SOX5: variants seen among roughly 807,000 people sequenced by gnomAD.
SOX5 encodes SRY-box transcription factor 5.
A neutral mutation model predicts 92.0 loss-of-function variants in SOX5; 9 were observed. The ratio of observed to expected loss-of-function variants is 0.10; its 90% confidence interval spans 0.06 to 0.17. The LOEUF is 0.17. Ranked by LOEUF, SOX5 falls within the 10% of genes least tolerant of loss-of-function variation. The pLI is 1.00. For missense variants in SOX5, 642 were observed against 944.5 expected, an observed-to-expected ratio of 0.68 and a Z score of 4.20; for synonymous variants, 344 against 336.3, an observed-to-expected ratio of 1.02 and a Z score of -0.25.
chr12:24,476,413 G>C (rs756745395), intron 1 of SOX5, among the ~76,000 whole-genome samples: 8 of 152,166 alleles, frequency 5.3e-5, no homozygotes, highest in Middle Eastern at 3.2e-3. Flanking sequence ...TGCTGCTCCA[G>C]AGAACTCAAC....
chr12:24,141,180 T>C (rs140108791), intron 4 of SOX5, among the ~76,000 whole-genome samples: 1 of 152,236 alleles, frequency 6.6e-6, no homozygotes, highest in Non-Finnish European at 1.5e-5. Flanking sequence ...AAGGTATATA[T>C]GGAATGTTTT....
intron 10 of SOX5, among the ~76,000 whole-genome samples, chr12:23,565,759 T>G (rs1946962956): frequency 6.6e-6 from 1 of 152,228 alleles, no homozygotes; most frequent in Non-Finnish European, 1.5e-5. Flanking sequence ...TATAATGCTG[T>G]ATGAAATGTT....
At chr12:24,221,846 A>T (rs1960524644) in intron 3 of SOX5, among the ~76,000 whole-genome samples, 1 of 152,226 alleles carries the variant, frequency 6.6e-6, no homozygotes, top group Non-Finnish European at 1.5e-5. Context: ...GAGGTGAGGG[A>T]TGTGTAAATT....
At chr12:24,220,567 G>C (rs988262719) in intron 3 of SOX5, among the ~76,000 whole-genome samples, 14 of 152,104 alleles carry the variant, frequency 9.2e-5, no homozygotes, top group Non-Finnish European at 5.9e-5. Context: ...TAGGTTATAT[G>C]TTATTATTTA....
At chr12:23,821,765 T>C (rs1428970086) in intron 3 of SOX5, among the ~76,000 whole-genome samples, 3 of 152,198 alleles carry the variant, frequency 2.0e-5, no homozygotes, top group Middle Eastern at 3.2e-3. Flanking sequence ...TCATCAGGGA[T>C]ATTGGCCTGA....
intron 10 of SOX5, among the ~76,000 whole-genome samples, chr12:23,573,035 T>C (rs1476131912): frequency 6.6e-6 from 1 of 152,200 alleles, no homozygotes; most frequent in African/African-American, 2.4e-5. Context: ...ACCATTTATC[T>C]CTTCCTTTCC....
intron 10 of SOX5, among the ~76,000 whole-genome samples, chr12:23,567,464 ATT>A (rs35620007): frequency 1.1e-3 from 133 of 119,120 alleles, no homozygotes; most frequent in East Asian, 2.3e-3. Flanking sequence ...ATTTGATTTG[ATT>A]TTTTTTTTTT....
intron 4 of SOX5, among the ~76,000 whole-genome samples, chr12:24,177,547 G>T (rs1316742228): frequency 6.6e-6 from 1 of 152,128 alleles, no homozygotes; most frequent in Non-Finnish European, 1.5e-5. Context: ...TGGACTTAGA[G>T]CCATGCTACT....
At chr12:24,098,169 T>C (rs867559801) in intron 4 of SOX5, among the ~76,000 whole-genome samples, 39 of 152,162 alleles carry the variant, frequency 2.6e-4, no homozygotes, top group African/African-American at 7.7e-4. Flanking sequence ...TCATTGTGAG[T>C]ACTTTATTGC....
chr12:24,440,594 TTGTGTGTGTGTGTGTGTGTG>T (rs56082162), intron 1 of SOX5, among the ~76,000 whole-genome samples: 10 of 139,732 alleles, frequency 7.2e-5, no homozygotes, highest in African/African-American at 1.3e-4. Flanking sequence ...ACATGATCCT[TTGTGTGTGTGTGTGTGTGTG>T]TGTGTGTGTG....
At chr12:24,002,784 C>CAAAAAAAAAA (rs1951739323) in intron 4 of SOX5, among the ~76,000 whole-genome samples, 1 of 151,926 alleles carries the variant, frequency 6.6e-6, no homozygotes, top group Non-Finnish European at 1.5e-5. Context: ...TAAACTCTTA[C>CAAAAAAAAAA]AAAAAATAGA....
chr12:24,037,946 C>T (rs375944571), intron 4 of SOX5, among the ~76,000 whole-genome samples: 6 of 152,094 alleles, frequency 3.9e-5, no homozygotes, highest in African/African-American at 1.2e-4. Flanking sequence ...GACACTTGAA[C>T]GCATTAAAAA....
intron 7 of SOX5, among the ~76,000 whole-genome samples, chr12:23,652,516 T>G (rs1236598997): frequency 2.2e-5 from 2 of 91,954 alleles, no homozygotes; most frequent in African/African-American, 1.1e-4. Flanking sequence ...CCTCTTCTAC[T>G]GTTTTTTTTT....
At chr12:23,577,600 C>T (rs929362704) in intron 9 of SOX5, among the ~76,000 whole-genome samples, 9 of 151,380 alleles carry the variant, frequency 5.9e-5, no homozygotes, top group Admixed American at 4.0e-4. Context: ...AAAAAGTTAC[C>T]TTTGTAATAG....
chr12:23,743,156 T>G (rs963354242), intron 4 of SOX5, among the ~76,000 whole-genome samples: 1 of 152,094 alleles, frequency 6.6e-6, no homozygotes, highest in East Asian at 1.9e-4. Context: ...TAAAGCTAGG[T>G]TTAAAAGCAG....
At chr12:23,797,350 C>T (rs1163862547) in intron 3 of SOX5, among the ~76,000 whole-genome samples, 2 of 151,936 alleles carry the variant, frequency 1.3e-5, no homozygotes, top group African/African-American at 4.8e-5. Context: ...ATATAATATG[C>T]TTTTATTAAC....
chr12:23,556,125 A>G (rs1945131444), intron 11 of SOX5, among the ~76,000 whole-genome samples: 1 of 152,136 alleles, frequency 6.6e-6, no homozygotes, highest in African/African-American at 2.4e-5. Flanking sequence ...CCTGTCCCAT[A>G]AGAAGTGTTC....
At chr12:24,374,854 G>T (rs1321776622) in intron 1 of SOX5, among the ~76,000 whole-genome samples, 1 of 152,188 alleles carries the variant, frequency 6.6e-6, no homozygotes, top group African/African-American at 2.4e-5. Context: ...ACAGAGGCAG[G>T]GCCTGCACTA....
chr12:24,535,870 G>C (rs1038169266), intron 1 of SOX5, among the ~76,000 whole-genome samples: 1 of 151,996 alleles, frequency 6.6e-6, no homozygotes, highest in African/African-American at 2.4e-5. Context: ...CACTATAAGC[G>C]GCTGACAATT....
Sources: allele counts gnomAD v4.1 joint callset (sites outside exome capture counted in the v4.1 genomes callset), GRCh38; gene constraint gnomAD v4.1.1; transcripts MANE v1.5; gene names NCBI Gene and HGNC (gene_info 2026-07-23, HGNC 2026-07-21).